The following SELENOP variants were observed in gnomAD, a reference collection of about 807,000 sequenced individuals.
SELENOP encodes selenoprotein P, plasma, 1.
In SELENOP, 36 loss-of-function variants were observed where a neutral mutation model predicts 41.0. The observed-to-expected ratio is 0.88, with a 90% CI of 0.67 to 1.16. The LOEUF is 1.16. Among genes scored for constraint, SELENOP ranks in the 50% most tolerant of loss-of-function variants. The probability of loss-of-function intolerance (pLI) is 0.00; values close to 1 mark genes in which losing one functional copy is unlikely to be tolerated. For synonymous variants in SELENOP, 144 were observed against 150.8 expected (o/e 0.95, Z 0.33); for missense variants, 440 against 454.2 (o/e 0.97, Z 0.28).
At chr5:42,802,318 G>A (rs1760225844) in intron 4 of SELENOP, 1 of 152,118 alleles carries the variant, frequency 6.6e-6, no homozygotes, top group Admixed American at 6.5e-5. Context: ...TCAACCTAAG[G>A]CTAATTTGCA....
chr5:42,804,299 A>G (rs1051028086), intron 4 of SELENOP, among the ~76,000 whole-genome samples: 1 of 152,096 alleles, frequency 6.6e-6, no homozygotes, highest in African/African-American at 2.4e-5. Context: ...GTCTCTACTA[A>G]AAATACAAAA....
chr5:42,809,736 T>A, intron 1 of SELENOP: 1 of 847,564 alleles, frequency 1.2e-6, no homozygotes, highest in South Asian at 5.4e-5. Context: ...TCTTTCACAT[T>A]ATTTAACACA....
chr5:42,800,668 G>T lies in SELENOP; in HGVS notation c.*52C>A. On this transcript the variant is annotated 3_prime_UTR_variant, in exon 5 of 5. Transcript: ENST00000514985. ...AATTTGGTAGTTTATAAAAATGCTGGAAATGAAATTGTGTCTAGACTAAAT... is the reference window on the plus strand; with the variant it reads ...AATTTGGTAGTTTATAAAAATGCTGTAAATGAAATTGTGTCTAGACTAAAT... 6.6e-7 allele frequency: 1 copy of T among 1,506,656 alleles called. No individual in the cohort carries two copies. The allele number at this position is 1,506,656 out of a possible 1,614,324, so 93.3% of individuals were successfully genotyped here. A position where few individuals can be genotyped will look rare whatever the true frequency, so the allele number is the denominator to read the frequency against.
At chr5:42,811,626 C>G (rs1760459242) in intron 1 of SELENOP, among the ~76,000 whole-genome samples, 1 of 152,204 alleles carries the variant, frequency 6.6e-6, no homozygotes, top group African/African-American at 2.4e-5. Context: ...GGGCAGAAAT[C>G]AAGAACTGAC....
Position 42,810,496 on chromosome 5 carries a change from G to A in SELENOP, c.-14+1340C>T, listed in dbSNP as rs549003394. Among the ~76,000 whole-genome samples the A allele has an allele frequency of 9.2e-5, 14 of 152,184 alleles. No homozygotes were observed. The East Asian group carries it at 2.7e-3, about 29-fold the overall frequency. On this transcript the variant is annotated intron_variant, in intron 1 of 4. Coordinates refer to ENST00000514985, the MANE Select transcript of SELENOP (RefSeq NM_005410.4). The stretch of plus-strand genomic sequence containing the variant: ...ATTTTTTGAGACGGAGTCTTGCTCT[G>A]TTACCCAGGCTGGAGTGCAATGGCG...
intron 4 of SELENOP, among the ~76,000 whole-genome samples, chr5:42,804,184 G>A (rs1006784780): frequency 1.3e-5 from 2 of 152,214 alleles, no homozygotes; most frequent in African/African-American, 4.8e-5. Context: ...AGGTTAGGCC[G>A]GGCGCGGTGG....
chr5:42,801,047 T>C lies in SELENOP; in HGVS notation c.819A>G (p.Gln273=), dbSNP rs1362945063. 6.2e-7 allele frequency: 1 copy of C among 1,614,262 alleles called. No homozygotes were observed. The highest frequency in any genetic ancestry group is 1.1e-5 in the South Asian group (1 of 91,086). ...MPASEDLQDL[Q]KKLCRKRCIN... ...TACATCTCTTTCGACAGAGCTTCTT[T>C]TGTAAATCTTGTAAATCTTCACTTG... The change falls in exon 5 of 5, where the codon CAA becomes CAG. Residue 273 remains glutamine, a synonymous_variant. Transcript: ENST00000514985.
chr5:42,808,743 C>T (rs1231218290), intron 1 of SELENOP, among the ~76,000 whole-genome samples: 1 of 146,478 alleles, frequency 6.8e-6, no homozygotes, highest in Non-Finnish European at 1.5e-5. Context: ...CCCTTCTCTA[C>T]TAAAATTATA....
rs747124068 is a variant in SELENOP at position 42,800,843 on chromosome 5, T to G, written c.1023A>C (p.Glu341Asp). ...CTGGAGGCAAACGTCACTGACAAGA[T>G]TCAGTTATGTTCTCCTCTGCCCGAA... The part of the protein sequence containing the change: ...QGLRAEENIT[E>D]SCQURLPPAA... The change falls in exon 5 of 5, where the codon GAA becomes GAC. Residue 341 changes from glutamate (E) to aspartate (D), a missense_variant. Glu to Asp is a conservative substitution (Grantham distance 45). Transcript: ENST00000514985. 1 of 1,614,192 alleles carries G rather than the reference T, an allele frequency of 6.2e-7. No individual in the cohort carries two copies. Among genetic ancestry groups the G allele is most frequent in the South Asian group, 1.1e-5 (1 of 91,082 alleles).
chr5:42,809,947 G>A (rs1579739203), intron 1 of SELENOP, among the ~76,000 whole-genome samples: 2 of 151,958 alleles, frequency 1.3e-5, no homozygotes, highest in East Asian at 1.9e-4. Flanking sequence ...CTCTAGAATG[G>A]TATTTACAAT....
intron 3 of SELENOP, chr5:42,805,537 G>C (rs1207051519): frequency 1.3e-5 from 2 of 152,158 alleles, no homozygotes; most frequent in Middle Eastern, 3.2e-3. Flanking sequence ...TGCATGAATT[G>C]AGATTCCCTC....
At chr5:42,802,625 A>G (rs1200777458) in intron 4 of SELENOP, among the ~76,000 whole-genome samples, 1 of 152,090 alleles carries the variant, frequency 6.6e-6, no homozygotes, top group African/African-American at 2.4e-5. Flanking sequence ...TTATTTATTT[A>G]TTTAGTGACG....
intron 4 of SELENOP, among the ~76,000 whole-genome samples, chr5:42,804,097 A>T (rs1760272791): frequency 1.3e-5 from 2 of 152,228 alleles, no homozygotes; most frequent in Non-Finnish European, 2.9e-5. Context: ...CTGAAATACG[A>T]TACATTGATT....
In SELENOP at chr5:42,800,843, T is replaced by A. The variant is rs747124068; in HGVS notation, c.1023A>T (p.Glu341Asp). ...QGLRAEENITESCQURLPPAA... is the reference protein window; with the variant it reads ...QGLRAEENITDSCQURLPPAA... ...CTGGAGGCAAACGTCACTGACAAGA[T>A]TCAGTTATGTTCTCCTCTGCCCGAA... The change falls in exon 5 of 5, where the codon GAA becomes GAT. Residue 341 changes from glutamate (E) to aspartate (D), a missense_variant. Coordinates refer to ENST00000514985, the MANE Select transcript of SELENOP (RefSeq NM_005410.4). 6.2e-7 allele frequency: 1 copy of A among 1,614,192 alleles called. No homozygotes were observed. The highest frequency in any genetic ancestry group is 1.3e-5 in the African/African-American group (1 of 75,046).
chr5:42,803,350 G>A (rs575310341), intron 4 of SELENOP, among the ~76,000 whole-genome samples: 1 of 152,138 alleles, frequency 6.6e-6, no homozygotes, highest in Non-Finnish European at 1.5e-5. Flanking sequence ...GCTTAGTATA[G>A]GTTGAGTTAG....
chr5:42,805,962 A>G (rs1760321287), intron 3 of SELENOP: 1 of 152,254 alleles, frequency 6.6e-6, no homozygotes, highest in South Asian at 2.1e-4. Context: ...ACTATTAAAT[A>G]CAAAACAAGA....
At position 42,800,046 on chromosome 5, in the gene SELENOP, G is replaced by C. The variant is rs1760146139; in HGVS notation, c.*674C>G. On this transcript the variant is annotated 3_prime_UTR_variant, in exon 5 of 5. Coordinates refer to ENST00000514985, the MANE Select transcript of SELENOP (RefSeq NM_005410.4). ...ATGGAAATACTTACTAAGCAATATA[G>C]AGACAGACAATATTATCTTTCCCCT... 2.8e-6 allele frequency: 1 copy of C among 351,120 alleles called. No individual in the cohort carries two copies. The highest frequency in any genetic ancestry group is 5.1e-6 in the Non-Finnish European group (1 of 195,824). 21.8% of individuals were successfully genotyped at this position (351,120 alleles called of 1,614,324 possible).
At position 42,801,206 on chromosome 5, in the gene SELENOP, G is replaced by A. The variant is rs1760190618; in HGVS notation, c.660C>T (p.Ser220=). 1.9e-6 allele frequency: 3 copies of A among 1,614,022 alleles called. No homozygotes were observed. Among genetic ancestry groups the A allele is most frequent in the African/African-American group, 2.7e-5 (2 of 74,914 alleles). ...HHNHGHQHLG[S]SELSENQQPG... ...GTTGCTGATTCTCTGAAAGCTCACT[G>A]CTGCCAAGGTGCTGATGTCCATGAT... The change falls in exon 5 of 5, where the codon AGC becomes AGT. Residue 220 remains serine, a synonymous_variant. Coordinates refer to ENST00000514985, the MANE Select transcript of SELENOP (RefSeq NM_005410.4).
chr5:42,802,082 T>A (rs1308350425), intron 4 of SELENOP: 1 of 152,242 alleles, frequency 6.6e-6, no homozygotes, highest in African/African-American at 2.4e-5. Context: ...TTTTTCATAC[T>A]TCATCCTATG....
Sources: allele counts gnomAD v4.1 joint callset (sites outside exome capture counted in the v4.1 genomes callset), GRCh38; gene constraint gnomAD v4.1.1; transcripts MANE v1.5; gene names NCBI Gene and HGNC (gene_info 2026-07-23, HGNC 2026-07-21).